Variants in ITPR2 observed in about 807,000 individuals in gnomAD.
ITPR2 encodes the protein inositol 1,4,5-trisphosphate receptor type 2.
In ITPR2, 207 loss-of-function variants were observed where a neutral mutation model predicts 317.1. The ratio of observed to expected loss-of-function variants is 0.65; its 90% CI spans 0.58 to 0.73. The LOEUF (loss-of-function observed/expected upper bound fraction) is 0.73. Among genes scored for constraint, ITPR2 ranks in the 30% least tolerant of loss-of-function variants. The pLI is 0.00. For synonymous variants in ITPR2, 1,156 were observed against 1,149.1 expected (o/e 1.01, Z -0.12); for missense variants, 2,613 against 3,284.0 (o/e 0.80, Z 4.99).
chr12:26,746,459 T>A (rs539502444), intron 2 of ITPR2, among the ~76,000 whole-genome samples: 1 of 152,206 alleles, frequency 6.6e-6, no homozygotes, highest in Non-Finnish European at 1.5e-5. Context: ...CTCTAAAACA[T>A]GTAAACTTTC....
intron 2 of ITPR2, among the ~76,000 whole-genome samples, chr12:26,780,406 A>C (rs1950057106): frequency 6.6e-6 from 1 of 152,152 alleles, no homozygotes; most frequent in African/African-American, 2.4e-5. Context: ...CCATCTGTGG[A>C]CTCACAGAAG....
At chr12:26,425,539 G>A (rs777299815) in intron 49 of ITPR2, among the ~76,000 whole-genome samples, 19 of 151,988 alleles carry the variant, frequency 1.3e-4, no homozygotes, top group Non-Finnish European at 7.4e-5. Flanking sequence ...ATGGTGGCAC[G>A]CGCCCATAGC....
chr12:26,428,221 C>T (rs1040172250), intron 48 of ITPR2, 133 bp from the exon 49 acceptor site: 9 of 535,466 alleles, frequency 1.7e-5, no homozygotes, highest in South Asian at 4.3e-5. Context: ...ACCCCATCTA[C>T]GTTCTTTATA....
At chr12:26,672,247 AT>A (rs1479791730) in intron 13 of ITPR2, among the ~76,000 whole-genome samples, 1 of 150,802 alleles carries the variant, frequency 6.6e-6, no homozygotes, top group East Asian at 2.0e-4. Context: ...CAGAATATAC[AT>A]TGTTTTCAGC....
intron 2 of ITPR2, among the ~76,000 whole-genome samples, chr12:26,734,996 C>CTTTTTTTTT (rs5797195): frequency 9.2e-6 from 1 of 109,040 alleles, no homozygotes; most frequent in Non-Finnish European, 1.8e-5. Flanking sequence ...GCAAGCCAGT[C>CTTTTTTTTT]TTTTTTTTTT....
At chr12:26,735,419 A>G (rs1321408018) in intron 2 of ITPR2, among the ~76,000 whole-genome samples, 2 of 152,096 alleles carry the variant, frequency 1.3e-5, no homozygotes, top group Non-Finnish European at 2.9e-5. Flanking sequence ...GACAAGGGAA[A>G]CAAAATGGGA....
chr12:26,622,317 G>C lies in ITPR2; in HGVS notation c.3211C>G (p.Pro1071Ala), dbSNP rs1946516464. ...LIHLIMHDYPPLLSGALQLLF... is the reference protein window; with the variant it reads ...LIHLIMHDYPALLSGALQLLF... ...AGCTGCAGGGCTCCAGACAGCAAAGGCGGGTAGTCGTGCATGATCAGATGA... is the reference window on the plus strand; with the variant it reads ...AGCTGCAGGGCTCCAGACAGCAAAGCCGGGTAGTCGTGCATGATCAGATGA... The change falls in exon 25 of 57, where the codon CCT (proline) becomes GCT (alanine). Residue 1071 changes from proline to alanine, a missense_variant. By Grantham distance (27) the Pro-to-Ala change is conservative (BLOSUM62 -1). Transcript: ENST00000381340. 2 of 1,614,036 alleles carry C rather than the reference G, an allele frequency of 1.2e-6. No individual in the cohort carries two copies. Among genetic ancestry groups the C allele is most frequent in the African/African-American group, 2.7e-5 (2 of 75,048 alleles).
intron 32 of ITPR2, among the ~76,000 whole-genome samples, chr12:26,585,884 C>T (rs979912460): frequency 3.9e-5 from 6 of 152,292 alleles, no homozygotes; most frequent in East Asian, 1.9e-4. Context: ...TTAATATTAT[C>T]TTTCCAAGCT....
rs1940551097 is a variant in ITPR2 at position 26,411,555 on chromosome 12, G to A, written c.7307-143C>T. ...CCTAAAGTCCTAGGAAGTTAGTATG[G>A]AATTCTGAACACAGTTTTGCCTATT... is the stretch of plus-strand genomic sequence containing the variant. On this transcript the variant is annotated intron_variant, in intron 51 of 56. Transcript: ENST00000381340. The A allele has an allele frequency of 1.6e-5, 10 of 613,076 alleles. 1 individual carries two copies. In the South Asian group the frequency reaches 1.7e-4, roughly 11 times the overall value. 38.0% of individuals were successfully genotyped at this position (613,076 alleles called of 1,614,324 possible).
chr12:26,668,429 T>G (rs1462290151), intron 13 of ITPR2, among the ~76,000 whole-genome samples: 1 of 152,118 alleles, frequency 6.6e-6, no homozygotes, highest in Non-Finnish European at 1.5e-5. Context: ...AGTCTCAAAT[T>G]ACCAGAGAAC....
chr12:26,494,725 G>A (rs1942892636), intron 38 of ITPR2, among the ~76,000 whole-genome samples: 1 of 128,910 alleles, frequency 7.8e-6, no homozygotes, highest in South Asian at 2.7e-4. Flanking sequence ...AGCCAAGATT[G>A]CGCCACTGCA....
intron 37 of ITPR2, among the ~76,000 whole-genome samples, chr12:26,538,018 T>TA (rs1433543461): frequency 4.6e-5 from 7 of 152,172 alleles, no homozygotes; most frequent in African/African-American, 1.7e-4. Context: ...TTATTTAACG[T>TA]AAAAAAACAG....
chr12:26,624,964 A>G (rs1946586720), intron 23 of ITPR2, among the ~76,000 whole-genome samples: 1 of 152,214 alleles, frequency 6.6e-6, no homozygotes, highest in Admixed American at 6.5e-5. Context: ...AAATGGATAA[A>G]GAAGTGTGGT....
intron 13 of ITPR2, among the ~76,000 whole-genome samples, chr12:26,673,379 G>A (rs1462410721): frequency 6.6e-6 from 1 of 152,142 alleles, no homozygotes; most frequent in East Asian, 1.9e-4. Flanking sequence ...GGGATGCAAG[G>A]CTGGTTCAAT....
chr12:26,569,115 T>G (rs1379965077), intron 34 of ITPR2, among the ~76,000 whole-genome samples: 1 of 152,038 alleles, frequency 6.6e-6, no homozygotes, highest in African/African-American at 2.4e-5. Flanking sequence ...AAACCAAAAC[T>G]ATGAAAATTC....
At chr12:26,620,244 C>T (rs886766178) in intron 26 of ITPR2, among the ~76,000 whole-genome samples, 10 of 152,224 alleles carry the variant, frequency 6.6e-5, no homozygotes, top group Non-Finnish European at 4.4e-5. Flanking sequence ...TCCCAGTAGA[C>T]GTCAGTGTGC....
At position 26,417,587 on chromosome 12, in the gene ITPR2, C is replaced by T. The variant is rs536060973; in HGVS notation, c.7110+1462G>A. On this transcript the variant is annotated intron_variant, in intron 50 of 56. Transcript: ENST00000381340. ...CTCTCTCTTCTGCCACCATGTAAGA[C>T]ATGCCTTGCTTCCCCTTCACCTTCC... 1.6e-3 allele frequency among the ~76,000 whole-genome samples: 245 copies of T among 152,252 alleles called. 2 individuals are homozygous for T. The highest frequency in any genetic ancestry group is 6.0e-4 in the Non-Finnish European group (41 of 68,010).
At chr12:26,812,639 A>T (rs73300532) in intron 1 of ITPR2, among the ~76,000 whole-genome samples, 2,157 of 152,350 alleles carry the variant, frequency 0.014, 54 homozygotes, top group African/African-American at 0.048. Flanking sequence ...CTTACAGCTT[A>T]CAGCTTTCCA....
At chr12:26,419,340 T>A in intron 49 of ITPR2, 127 bp from the exon 50 acceptor site, 1 of 756,272 alleles carries the variant, frequency 1.3e-6, no homozygotes, top group South Asian at 2.4e-5. Context: ...AATCTATGAC[T>A]TTTTGACATG....
Sources: allele counts gnomAD v4.1 joint callset (sites outside exome capture counted in the v4.1 genomes callset), GRCh38; gene constraint gnomAD v4.1.1; transcripts MANE v1.5; gene names NCBI Gene and HGNC (gene_info 2026-07-23, HGNC 2026-07-21).